Variants in PRKAR2A observed in about 807,000 individuals in gnomAD.
PRKAR2A encodes the protein protein kinase cAMP-dependent type II regulatory subunit alpha.
Under a neutral mutation model 51.9 loss-of-function variants are expected in PRKAR2A, and 29 were observed. That is an observed-to-expected ratio of 0.56 (90% CI 0.42 to 0.76). The LOEUF is 0.76. Among genes scored for constraint, PRKAR2A ranks in the 30% least tolerant of loss-of-function variants. The pLI, the probability that PRKAR2A is intolerant of heterozygous loss-of-function variation, is 0.00. For synonymous variants in PRKAR2A, 178 were observed against 186.2 expected (o/e 0.96, Z 0.36); for missense variants, 445 against 512.1 (o/e 0.87, Z 1.26).
chr3:48,762,767 G>GA (rs1179858366), intron 8 of PRKAR2A, among the ~76,000 whole-genome samples: 1 of 149,928 alleles, frequency 6.7e-6, no homozygotes, highest in African/African-American at 2.4e-5. Context: ...GTCTCAAAAA[G>GA]AAAAAAAAAT....
chr3:48,763,657 C>T (rs1316858635), intron 8 of PRKAR2A, among the ~76,000 whole-genome samples: 2 of 152,162 alleles, frequency 1.3e-5, no homozygotes, highest in South Asian at 2.1e-4. Context: ...TTTTCTTGCT[C>T]TGAAGGACCT....
intron 10 of PRKAR2A, 117 bp from the exon 11 acceptor site, chr3:48,751,835 ACTTG>A: frequency 1.6e-6 from 2 of 1,228,798 alleles, no homozygotes; most frequent in African/African-American, 1.5e-5. Flanking sequence ...GACACCAGCC[ACTTG>A]CAAAAAGGGA....
chr3:48,846,512 C>T (rs1478163608), intron 1 of PRKAR2A, among the ~76,000 whole-genome samples: 1 of 152,194 alleles, frequency 6.6e-6, no homozygotes, highest in Non-Finnish European at 1.5e-5. Context: ...CCACCACGCC[C>T]GGCCAGGTTT....
intron 1 of PRKAR2A, among the ~76,000 whole-genome samples, chr3:48,841,216 T>A (rs370304881): frequency 2.0e-5 from 3 of 151,844 alleles, no homozygotes; most frequent in African/African-American, 7.3e-5. Context: ...CAATGAGCAC[T>A]GGAGTATAAC....
At position 48,847,393 on chromosome 3, in the gene PRKAR2A, C is replaced by G; in HGVS notation, c.204G>C (p.Pro68=). 6.2e-7 allele frequency: 1 copy of G among 1,611,254 alleles called. No homozygotes were observed. Among genetic ancestry groups the G allele is most frequent in the Admixed American group, 1.7e-5 (1 of 59,732 alleles). Residue 68 remains proline, a synonymous_variant, in exon 1 of 11, where the codon CCG becomes CCC. Transcript: ENST00000265563. The surrounding 1 kb of genome is among the most constrained non-coding windows in gnomAD (Gnocchi z 4.4). The part of the protein sequence containing the change: ...SLGHPPPEPG[P]DRVADAKGDS... ...CCCCTTTGGCGTCGGCGACACGGTCCGGGCCGGGTTCTGGCGGGGGGTGGC... is the reference window on the plus strand; with the variant it reads ...CCCCTTTGGCGTCGGCGACACGGTCGGGGCCGGGTTCTGGCGGGGGGTGGC...
At chr3:48,765,955 C>A (rs1244299678) in intron 6 of PRKAR2A, among the ~76,000 whole-genome samples, 1 of 152,118 alleles carries the variant, frequency 6.6e-6, no homozygotes, top group Non-Finnish European at 1.5e-5. Flanking sequence ...TGCAGTGGCT[C>A]ACTGCCTGTA....
intron 9 of PRKAR2A, among the ~76,000 whole-genome samples, chr3:48,754,689 G>A (rs1329638733): frequency 1.3e-5 from 2 of 151,670 alleles, no homozygotes; most frequent in Non-Finnish European, 2.9e-5. Context: ...CAGGAGAATC[G>A]CTTGAACCCA....
chr3:48,795,671 G>A (rs2107326163), intron 2 of PRKAR2A, among the ~76,000 whole-genome samples: 1 of 152,260 alleles, frequency 6.6e-6, no homozygotes, highest in South Asian at 2.1e-4. Flanking sequence ...TTAGTAGCTA[G>A]GTCTAGAGGC....
intron 1 of PRKAR2A, among the ~76,000 whole-genome samples, chr3:48,845,153 A>T (rs1464921414): frequency 1.3e-5 from 2 of 152,194 alleles, no homozygotes; most frequent in Non-Finnish European, 2.9e-5. Flanking sequence ...TCCCTGGAAG[A>T]TTGTTGTCAC....
intron 1 of PRKAR2A, among the ~76,000 whole-genome samples, chr3:48,836,312 G>A (rs1285400661): frequency 6.7e-6 from 1 of 149,856 alleles, no homozygotes; most frequent in Non-Finnish European, 1.5e-5. Flanking sequence ...CCAGCTACTC[G>A]GGAAACTGAG....
At chr3:48,759,683 G>A (rs899720177) in intron 8 of PRKAR2A, among the ~76,000 whole-genome samples, 7 of 152,134 alleles carry the variant, frequency 4.6e-5, no homozygotes, top group South Asian at 2.1e-4. Flanking sequence ...CACTGCGCCC[G>A]GCCAAGTATC....
At chr3:48,826,279 G>A (rs566686337) in intron 1 of PRKAR2A, among the ~76,000 whole-genome samples, 1 of 152,134 alleles carries the variant, frequency 6.6e-6, no homozygotes, top group Admixed American at 6.6e-5. Context: ...AAAAATTCAG[G>A]GGTTCCCATG....
intron 8 of PRKAR2A, among the ~76,000 whole-genome samples, chr3:48,757,981 G>A (rs990614913): frequency 1.3e-5 from 2 of 151,950 alleles, no homozygotes; most frequent in Non-Finnish European, 2.9e-5. Flanking sequence ...GCTTGAACCC[G>A]GGAGGCAGAG....
chr3:48,803,097 T>C (rs1051152057), intron 2 of PRKAR2A, among the ~76,000 whole-genome samples: 2 of 152,030 alleles, frequency 1.3e-5, no homozygotes, highest in Non-Finnish European at 2.9e-5. Flanking sequence ...GGGGAAGGTA[T>C]GAAAGACTTA....
intron 5 of PRKAR2A, among the ~76,000 whole-genome samples, chr3:48,773,352 T>C (rs2082058323): frequency 7.0e-6 from 1 of 143,370 alleles, no homozygotes; most frequent in Admixed American, 7.0e-5. Context: ...TTTTTTTTTT[T>C]TTTTTTTTTG....
At chr3:48,786,525 C>A (rs536939960) in intron 4 of PRKAR2A, among the ~76,000 whole-genome samples, 1 of 149,612 alleles carries the variant, frequency 6.7e-6, no homozygotes, top group Admixed American at 6.7e-5. Flanking sequence ...GGGCCGGGCG[C>A]GGTGGCTCAT....
intron 8 of PRKAR2A, among the ~76,000 whole-genome samples, 198 bp downstream of exon 8, chr3:48,764,804 TAG>T (rs1056717703): frequency 2.6e-5 from 4 of 152,174 alleles, no homozygotes; most frequent in African/African-American, 9.7e-5. Flanking sequence ...TTTGTATTTT[TAG>T]TAGAGATGGA....
chr3:48,833,908 G>A (rs1196381496), intron 1 of PRKAR2A, among the ~76,000 whole-genome samples: 1 of 151,210 alleles, frequency 6.6e-6, no homozygotes, highest in Admixed American at 6.6e-5. Context: ...ATGGTGGTGT[G>A]CACCTATAAT....
At chr3:48,827,447 G>A (rs1417878270) in intron 1 of PRKAR2A, among the ~76,000 whole-genome samples, 2 of 151,992 alleles carry the variant, frequency 1.3e-5, no homozygotes, top group South Asian at 2.1e-4. Context: ...TGGATGCCTC[G>A]AAAAAACAAA....
Sources: gnomAD v4.1 joint callset for allele counts (sites outside exome capture counted in the v4.1 genomes callset) on GRCh38, gnomAD v4.1.1 for gene constraint, Gnocchi (gnomAD v3.1) non-coding constraint, MANE v1.5 for transcripts, NCBI Gene and HGNC (gene_info 2026-07-23, HGNC 2026-07-21) for gene names.